The following PTPRM variants were observed in gnomAD, a reference collection of about 807,000 sequenced individuals.
PTPRM encodes receptor-type tyrosine-protein phosphatase mu.
In PTPRM, 47 loss-of-function variants were observed where a neutral mutation model predicts 186.7. The ratio of observed to expected loss-of-function variants is 0.25; its 90% CI spans 0.20 to 0.32. The LOEUF is 0.32. PTPRM is among the 10% of genes least tolerant of loss of function. The probability of loss-of-function intolerance (pLI) is 1.00; values close to 1 mark genes in which losing one functional copy is unlikely to be tolerated. For synonymous variants in PTPRM, 668 were observed against 674.9 expected, an observed-to-expected ratio of 0.99 and a Z score of 0.16; for missense variants, 1,494 against 1,865.0, an observed-to-expected ratio of 0.80 and a Z score of 3.66.
intron 2 of PTPRM, among the ~76,000 whole-genome samples, chr18:7,861,026 T>G (rs2146052461): frequency 6.6e-6 from 1 of 152,322 alleles, no homozygotes; most frequent in South Asian, 2.1e-4. Context: ...CTGATCTGAC[T>G]TCCTACTCTG....
intron 8 of PTPRM, among the ~76,000 whole-genome samples, chr18:8,070,414 G>A (rs2148443781): frequency 6.6e-6 from 1 of 152,144 alleles, no homozygotes; most frequent in African/African-American, 2.4e-5. Flanking sequence ...TCATAGTTCA[G>A]ATAAAATTTC....
intron 3 of PTPRM, among the ~76,000 whole-genome samples, chr18:7,897,639 A>G: frequency 6.6e-6 from 1 of 152,268 alleles, no homozygotes; most frequent in East Asian, 1.9e-4. Context: ...TTATTTTTTA[A>G]AACTTGCCAC....
At chr18:7,809,822 G>T (rs936940191) in intron 2 of PTPRM, among the ~76,000 whole-genome samples, 1 of 152,168 alleles carries the variant, frequency 6.6e-6, no homozygotes, top group Non-Finnish European at 1.5e-5. Context: ...GGAGGGTGAT[G>T]GTAGACTAGG....
intron 7 of PTPRM, among the ~76,000 whole-genome samples, chr18:8,036,787 G>A (rs1354715958): frequency 1.3e-5 from 2 of 152,124 alleles, no homozygotes; most frequent in African/African-American, 2.4e-5. Context: ...TGGGCGCTTC[G>A]CTTGAGTGCA....
intron 32 of PTPRM, among the ~76,000 whole-genome samples, chr18:8,395,549 C>G (rs1050950463): frequency 1.3e-5 from 2 of 152,182 alleles, no homozygotes; most frequent in African/African-American, 2.4e-5. Context: ...TCATCACGAA[C>G]CACTCTCCAG....
At chr18:7,934,608 GA>G (rs1207318664) in intron 5 of PTPRM, among the ~76,000 whole-genome samples, 85 of 152,204 alleles carry the variant, frequency 5.6e-4, no homozygotes, top group Admixed American at 1.3e-4. Flanking sequence ...AGGTGTGTTT[GA>G]AATAAAGTAA....
intron 4 of PTPRM, among the ~76,000 whole-genome samples, chr18:7,918,143 T>A (rs956706309): frequency 3.3e-5 from 5 of 151,970 alleles, no homozygotes; most frequent in African/African-American, 1.2e-4. Flanking sequence ...TATTTATTGA[T>A]GGACACTTAG....
intron 7 of PTPRM, among the ~76,000 whole-genome samples, chr18:8,016,729 A>G (rs80328995): frequency 0.02 from 3,084 of 152,198 alleles, 93 homozygotes; most frequent in African/African-American, 0.07. Context: ...CAAAAGACAG[A>G]CAACAGATCA....
chr18:8,214,009 A>G (rs185926824), intron 14 of PTPRM, among the ~76,000 whole-genome samples: 131 of 152,326 alleles, frequency 8.6e-4, no homozygotes, highest in African/African-American at 3.1e-3. Flanking sequence ...TAACTCAGGA[A>G]TGGAAAACCA....
intron 19 of PTPRM, among the ~76,000 whole-genome samples, chr18:8,272,224 G>A (rs968392925): frequency 1.3e-3 from 182 of 135,668 alleles, no homozygotes; most frequent in African/African-American, 4.4e-3. Context: ...AAAAAAAAAA[G>A]AAAGAAAGAA....
chr18:8,221,300 G>A (rs1275315477), intron 14 of PTPRM, among the ~76,000 whole-genome samples: 1 of 152,168 alleles, frequency 6.6e-6, no homozygotes, highest in Non-Finnish European at 1.5e-5. Flanking sequence ...GTCTATCCCA[G>A]TACCTGTGAG....
intron 4 of PTPRM, among the ~76,000 whole-genome samples, chr18:7,925,314 TATTTAGAAC>T (rs1245099753): frequency 9.2e-5 from 14 of 152,208 alleles, no homozygotes; most frequent in African/African-American, 3.4e-4. Context: ...TGTTGGAAGT[TATTTAGAAC>T]ATTTTGCATG....
At chr18:7,623,569 A>G (rs972660022) in intron 1 of PTPRM, among the ~76,000 whole-genome samples, 2 of 152,172 alleles carry the variant, frequency 1.3e-5, no homozygotes, top group African/African-American at 4.8e-5. Flanking sequence ...TAATAGCTGC[A>G]TGTGACTTTA....
intron 2 of PTPRM, among the ~76,000 whole-genome samples, chr18:7,800,836 A>C (rs1282419926): frequency 6.6e-6 from 1 of 152,230 alleles, no homozygotes; most frequent in African/African-American, 2.4e-5. Flanking sequence ...CCTGTACAGC[A>C]TGTTACTGTA....
intron 1 of PTPRM, among the ~76,000 whole-genome samples, chr18:7,606,433 C>T (rs190177788): frequency 2.0e-4 from 31 of 152,016 alleles, no homozygotes; most frequent in African/African-American, 7.0e-4. Context: ...CAGACCTGTG[C>T]GGTTGGAGAG....
At chr18:7,715,670 A>G (rs2144814832) in intron 1 of PTPRM, among the ~76,000 whole-genome samples, 1 of 152,378 alleles carries the variant, frequency 6.6e-6, no homozygotes, top group South Asian at 2.1e-4. Flanking sequence ...CTCAGGATAC[A>G]AAATCAATGT....
intron 1 of PTPRM, among the ~76,000 whole-genome samples, chr18:7,673,579 A>C (rs925257306): frequency 6.6e-6 from 1 of 152,222 alleles, no homozygotes; most frequent in Non-Finnish European, 1.5e-5. Context: ...AGTGAAAAAG[A>C]TGAGAGAAAA....
chr18:7,582,815 A>G (rs769200677), intron 1 of PTPRM, among the ~76,000 whole-genome samples: 21 of 152,194 alleles, frequency 1.4e-4, no homozygotes, highest in Non-Finnish European at 2.6e-4. Context: ...TGGCATTCTC[A>G]TTCATGGGTT....
intron 23 of PTPRM, among the ~76,000 whole-genome samples, chr18:8,356,121 G>A (rs1241626969): frequency 6.6e-6 from 1 of 152,206 alleles, no homozygotes; most frequent in Non-Finnish European, 1.5e-5. Flanking sequence ...GATGCATTCA[G>A]TACAAACGGC....
Sources: allele counts gnomAD v4.1 joint callset (sites outside exome capture counted in the v4.1 genomes callset), GRCh38; gene constraint gnomAD v4.1.1; transcripts MANE v1.5; gene names NCBI Gene and HGNC (gene_info 2026-07-23, HGNC 2026-07-21).